Variants in CLUL1 observed in about 807,000 individuals in gnomAD.
The protein encoded by CLUL1 is clusterin-like protein 1.
CLUL1 carries 43 observed loss-of-function variants against 49.4 expected under a neutral mutation model. The observed-to-expected ratio is 0.87, with a 90% CI of 0.68 to 1.12. The LOEUF is 1.12. Ranked by LOEUF, CLUL1 falls within the 50% of genes most tolerant of loss-of-function variation. CLUL1 has a pLI of 0.00. For missense variants in CLUL1, 486 were observed against 544.4 expected (o/e 0.89, Z 1.07); for synonymous variants, 192 against 184.9 (o/e 1.04, Z -0.31).
At chr18:645,805 AAAAAAATATAT>A (rs1379625977) in intron 9 of CLUL1, among the ~76,000 whole-genome samples, 2 of 51,422 alleles carry the variant, frequency 3.9e-5, no homozygotes, top group African/African-American at 1.5e-4. Context: ...AAAAAAAAAA[AAAAAAATATAT>A]ATATATATAT....
intron 8 of CLUL1, among the ~76,000 whole-genome samples, chr18:644,216 T>A (rs939414106): frequency 2.0e-5 from 3 of 152,190 alleles, no homozygotes; most frequent in South Asian, 2.1e-4. Flanking sequence ...AAGGGAAAAA[T>A]TTTTAAATCA....
chr18:639,830 A>G (rs2074288738), intron 7 of CLUL1, among the ~76,000 whole-genome samples: 1 of 152,148 alleles, frequency 6.6e-6, no homozygotes, highest in African/African-American at 2.4e-5. Context: ...GTCAAATGTT[A>G]ATTTGACTAT....
At position 645,104 on chromosome 18, in the gene CLUL1, A is replaced by G. The variant is rs1272062096; in HGVS notation, c.1397+7A>G. The G allele has an allele frequency of 6.3e-7, 1 of 1,582,470 alleles. No homozygotes were observed. Among genetic ancestry groups the G allele is most frequent in the Admixed American group, 1.8e-5 (1 of 55,106 alleles). ...AGGAACATTTTAAAACCTGGTAAGCAGAGTGCCTGGTTAGGAATGCCTTGT... is the reference window on the plus strand; with the variant it reads ...AGGAACATTTTAAAACCTGGTAAGCGGAGTGCCTGGTTAGGAATGCCTTGT... On this transcript the variant is annotated splice_region_variant and intron_variant, in intron 9 of 9. Transcript: ENST00000692774.
intron 7 of CLUL1, among the ~76,000 whole-genome samples, chr18:635,710 G>A (rs912564935): frequency 2.6e-5 from 4 of 152,062 alleles, no homozygotes; most frequent in Non-Finnish European, 5.9e-5. Flanking sequence ...CTAACAGTGA[G>A]CAAGTTGCAA....
intron 8 of CLUL1, among the ~76,000 whole-genome samples, chr18:643,984 T>G (rs1480085997): frequency 1.3e-5 from 2 of 152,192 alleles, no homozygotes; most frequent in African/African-American, 4.8e-5. Context: ...AAGTTACTTT[T>G]CTCAAAACAG....
chr18:612,315 A>G (rs1240186210), intron 2 of CLUL1, among the ~76,000 whole-genome samples: 1 of 152,146 alleles, frequency 6.6e-6, no homozygotes, highest in Non-Finnish European at 1.5e-5. Flanking sequence ...TCTCCAGCCA[A>G]TATCACACTT....
chr18:615,290 G>A (rs556245033), intron 2 of CLUL1, among the ~76,000 whole-genome samples: 1 of 152,294 alleles, frequency 6.6e-6, no homozygotes, highest in South Asian at 2.1e-4. Context: ...TATTTTCAAA[G>A]TAATTAGTAC....
chr18:646,143 T>C (rs1486237335), intron 9 of CLUL1, among the ~76,000 whole-genome samples: 1 of 151,780 alleles, frequency 6.6e-6, no homozygotes, highest in Non-Finnish European at 1.5e-5. Flanking sequence ...ATCATCACAC[T>C]GCACGGCTTC....
In CLUL1 at chr18:618,084, T is replaced by G; in HGVS notation, c.84T>G (p.Thr28=). 6.2e-7 allele frequency: 1 copy of G among 1,613,742 alleles called. No homozygotes were observed. Among genetic ancestry groups the G allele is most frequent in the East Asian group, 2.2e-5 (1 of 44,884 alleles). ...SHCAPTWKDK[T]AISENLKSFS... is the part of the protein sequence containing the mutation. Reference sequence around the variant, plus strand: ...GCGCACCCACTTGGAAGGACAAAACTGCTATCAGTGAAAACCTGAAGAGTA... The same window carrying G: ...GCGCACCCACTTGGAAGGACAAAACGGCTATCAGTGAAAACCTGAAGAGTA... The change falls in exon 3 of 10, where the codon ACT becomes ACG. Residue 28 remains threonine, a synonymous_variant. Coordinates refer to ENST00000692774, the MANE Select transcript of CLUL1 (RefSeq NM_001393344.1). This position sits in a 1 kb window ranked among gnomAD's most constrained non-coding sequence, Gnocchi z 4.2.
intron 9 of CLUL1, among the ~76,000 whole-genome samples, chr18:646,948 A>G (rs2074525581): frequency 6.6e-6 from 1 of 151,770 alleles, no homozygotes. Context: ...ACAGGGTTTC[A>G]CCATGTTGGC....
In CLUL1 at chr18:641,227, G is replaced by A. The variant is rs1453900582; in HGVS notation, c.995-100G>A. The A allele has an allele frequency of 3.3e-6, 3 of 914,400 alleles. No individual in the cohort carries two copies. The African/African-American group carries it at 5.0e-5, about 15-fold the overall frequency. The allele number at this position is 914,400 out of a possible 1,614,324, so 56.6% of individuals were successfully genotyped here. A position where few individuals can be genotyped will look rare whatever the true frequency, so the allele number is the denominator to read the frequency against. ...AACTAAAAACTACCACAGGCAAAAGGGGAAAATAGAGAATGTAAGGGCTGG... is the reference window on the plus strand; with the variant it reads ...AACTAAAAACTACCACAGGCAAAAGAGGAAAATAGAGAATGTAAGGGCTGG... On this transcript the variant is annotated intron_variant, in intron 7 of 9. Coordinates refer to ENST00000692774, the MANE Select transcript of CLUL1 (RefSeq NM_001393344.1).
Position 649,979 on chromosome 18 carries a change from G to A in CLUL1, c.*78G>A, listed in dbSNP as rs2074632998. ...ACCTGGAAATCCTGAAATAAAAAAG[G>A]ATAATGCAATAAACACAGTTGCAGG... On this transcript the variant is annotated 3_prime_UTR_variant, in exon 10 of 10. Coordinates refer to ENST00000692774, the MANE Select transcript of CLUL1 (RefSeq NM_001393344.1). 3.0e-6 allele frequency: 3 copies of A among 989,524 alleles called. No individual in the cohort carries two copies. The highest frequency in any genetic ancestry group is 4.6e-6 in the Non-Finnish European group (3 of 645,322). 61.3% of individuals were successfully genotyped at this position (989,524 alleles called of 1,614,324 possible).
chr18:625,741 G>T (rs754890866), intron 5 of CLUL1, among the ~76,000 whole-genome samples: 6 of 152,082 alleles, frequency 3.9e-5, no homozygotes, highest in Non-Finnish European at 8.8e-5. Context: ...GAAGTGAGCT[G>T]AATACAAAAT....
In CLUL1 at chr18:606,103, A is replaced by G. The variant is rs2072966374; in HGVS notation, c.-135-875A>G. Among the ~76,000 whole-genome samples, 1 of 152,198 alleles carries G rather than the reference A, an allele frequency of 6.6e-6. No homozygotes were observed. The highest frequency in any genetic ancestry group is 1.5e-5 in the Non-Finnish European group (1 of 68,040). On this transcript the variant is annotated intron_variant, in intron 1 of 9. Transcript: ENST00000692774. This position sits in a 1 kb window ranked among gnomAD's most constrained non-coding sequence, Gnocchi z 4.1. ...AGAATATACCAAATAAGAATATGCA[A>G]GTCCTCCCCTAAGGGTGGCAGGAAG...
Position 644,926 on chromosome 18 carries a change from A to C in CLUL1, c.1226A>C (p.His409Pro). 6.2e-7 allele frequency: 1 copy of C among 1,612,332 alleles called. No homozygotes were observed. The highest frequency in any genetic ancestry group is 8.5e-7 in the Non-Finnish European group (1 of 1,179,106). Reference sequence around the variant, plus strand: ...CTTCTGTAGGTAGTTCCAAGGATTCATGAAGGAAATATTTCCAAACAAGAT... The same window carrying C: ...CTTCTGTAGGTAGTTCCAAGGATTCCTGAAGGAAATATTTCCAAACAAGAT... The part of the protein sequence containing the change: ...FNSIQVVPRI[H>P]EGNISKQDET... The change falls in exon 9 of 10, where the codon CAT becomes CCT. Residue 409 changes from histidine (H) to proline (P), a missense_variant. Physicochemically the swap from His to Pro is moderately conservative, Grantham distance 77. Coordinates refer to ENST00000692774, the MANE Select transcript of CLUL1 (RefSeq NM_001393344.1).
chr18:606,996 T>C lies in CLUL1; in HGVS notation c.-117T>C, dbSNP rs1039373994. 1.5e-5 allele frequency: 10 copies of C among 653,502 alleles called. No individual in the cohort carries two copies. In the East Asian group the frequency reaches 2.7e-4, roughly 18 times the overall value. 40.5% of individuals were successfully genotyped at this position (653,502 alleles called of 1,614,324 possible). ...TCTTTAGAGTTGCGTCCCTCTCGGT[T>C]GCCAGGCTGGAGTTCAGTGGCATGT... On this transcript the variant is annotated 5_prime_UTR_variant, in exon 2 of 10. Coordinates refer to ENST00000692774, the MANE Select transcript of CLUL1 (RefSeq NM_001393344.1). The surrounding 1 kb of genome is among the most constrained non-coding windows in gnomAD (Gnocchi z 4.1).
chr18:602,011 A>G (rs1403560078), intron 1 of CLUL1, among the ~76,000 whole-genome samples: 1 of 152,164 alleles, frequency 6.6e-6, no homozygotes, highest in Non-Finnish European at 1.5e-5. Context: ...ACTTGAGGCC[A>G]GGAGCTCAAG....
rs574193232 is a variant in CLUL1 at position 606,715 on chromosome 18, G to A, written c.-135-263G>A. ...AAAGAGATTTTATCAAAGGCTTGGAGAAGAAAAGAAAAAGAGGATTATATA... is the reference window on the plus strand; with the variant it reads ...AAAGAGATTTTATCAAAGGCTTGGAAAAGAAAAGAAAAAGAGGATTATATA... On this transcript the variant is annotated intron_variant, in intron 1 of 9. Transcript: ENST00000692774. This position sits in a 1 kb window ranked among gnomAD's most constrained non-coding sequence, Gnocchi z 4.1. Among the ~76,000 whole-genome samples, 21 of 152,150 alleles carry A rather than the reference G, an allele frequency of 1.4e-4. No homozygotes were observed. The highest frequency in any genetic ancestry group is 4.8e-4 in the African/African-American group (20 of 41,510).
chr18:632,810 G>C (rs778288758), intron 6 of CLUL1, among the ~76,000 whole-genome samples: 2 of 152,108 alleles, frequency 1.3e-5, no homozygotes, highest in African/African-American at 4.8e-5. Context: ...TTTAATAGCT[G>C]TTCAGTTGTC....
Sources: gnomAD v4.1 joint callset for allele counts (sites outside exome capture counted in the v4.1 genomes callset) on GRCh38, gnomAD v4.1.1 for gene constraint, Gnocchi (gnomAD v3.1) non-coding constraint, MANE v1.5 for transcripts, NCBI Gene and HGNC (gene_info 2026-07-23, HGNC 2026-07-21) for gene names.